MPP7: variants seen among roughly 807,000 people sequenced by gnomAD.
MPP7 encodes MAGUK p55 subfamily member 7.
In MPP7, 60 loss-of-function variants were observed where a neutral mutation model predicts 76.5. That is an observed-to-expected ratio of 0.78 (90% CI 0.64 to 0.97). MPP7 has a LOEUF of 0.97. Ranked by LOEUF, MPP7 falls within the 50% of genes least tolerant of loss-of-function variation. MPP7 has a pLI of 0.00. For synonymous variants in MPP7, 237 were observed against 244.5 expected (o/e 0.97, Z 0.29); for missense variants, 641 against 694.0 (o/e 0.92, Z 0.86).
chr10:28,275,564 G>A (rs904952729), intron 1 of MPP7, among the ~76,000 whole-genome samples: 2 of 151,582 alleles, frequency 1.3e-5, no homozygotes, highest in East Asian at 1.9e-4. Flanking sequence ...GCACCACCAC[G>A]CCTGGCTAAT....
chr10:28,189,763 A>G (rs1056477609), intron 3 of MPP7, among the ~76,000 whole-genome samples: 7 of 152,056 alleles, frequency 4.6e-5, no homozygotes. Context: ...TTAAAATCTT[A>G]GAAACTAACA....
chr10:28,165,367 T>A (rs1166148479), intron 3 of MPP7, among the ~76,000 whole-genome samples: 3 of 151,926 alleles, frequency 2.0e-5, no homozygotes, highest in Non-Finnish European at 2.9e-5. Context: ...TATAAAGAAA[T>A]TTTTAAAAGT....
intron 3 of MPP7, among the ~76,000 whole-genome samples, chr10:28,183,829 T>A (rs936258529): frequency 1.3e-5 from 2 of 152,042 alleles, no homozygotes; most frequent in African/African-American, 4.8e-5. Flanking sequence ...ACTATCATCC[T>A]GAAAAAGCAG....
intron 1 of MPP7, among the ~76,000 whole-genome samples, chr10:28,261,619 T>C (rs2132938814): frequency 1.3e-5 from 2 of 152,222 alleles, no homozygotes; most frequent in South Asian, 4.1e-4. Flanking sequence ...AGTGTGGATA[T>C]CAGACACACC....
intron 11 of MPP7, among the ~76,000 whole-genome samples, chr10:28,104,034 G>A (rs1197832115): frequency 6.6e-6 from 1 of 152,122 alleles, no homozygotes; most frequent in Non-Finnish European, 1.5e-5. Flanking sequence ...GTACTTTGGA[G>A]AAAACATATA....
intron 1 of MPP7, among the ~76,000 whole-genome samples, chr10:28,254,476 A>G (rs902318448): frequency 6.6e-6 from 1 of 152,228 alleles, no homozygotes; most frequent in African/African-American, 2.4e-5. Context: ...CTCTTAAAAC[A>G]GTACTGACTC....
chr10:28,054,675 T>G (rs951615799), intron 16 of MPP7, among the ~76,000 whole-genome samples: 1 of 152,066 alleles, frequency 6.6e-6, no homozygotes, highest in African/African-American at 2.4e-5. Flanking sequence ...ATGATTACCA[T>G]GTTTTTTGTT....
chr10:28,188,290 A>G (rs1417889796), intron 3 of MPP7, among the ~76,000 whole-genome samples: 1 of 152,174 alleles, frequency 6.6e-6, no homozygotes, highest in African/African-American at 2.4e-5. Context: ...TAAATTGTAT[A>G]TTTTGAATTA....
chr10:28,255,202 C>T (rs2132882192), intron 1 of MPP7, among the ~76,000 whole-genome samples: 1 of 152,264 alleles, frequency 6.6e-6, no homozygotes, highest in South Asian at 2.1e-4. Context: ...CAACCTCTGC[C>T]TCCCAGGTTC....
At chr10:28,207,630 G>A (rs1160208675) in intron 2 of MPP7, among the ~76,000 whole-genome samples, 1 of 151,722 alleles carries the variant, frequency 6.6e-6, no homozygotes, top group African/African-American at 2.4e-5. Flanking sequence ...GGCTGCAGTG[G>A]TGTGGTGACT....
rs75238746 is a variant in MPP7, at chr10:28,242,906, T to C, written c.-131-4171A>G. 3.0e-3 allele frequency among the ~76,000 whole-genome samples: 452 copies of C among 152,262 alleles called. 4 individuals carry two copies. Among genetic ancestry groups the C allele is most frequent in the African/African-American group, 0.01 (425 of 41,548 alleles). On this transcript the variant is annotated intron_variant, in intron 1 of 16. Transcript: ENST00000683449. ...TTATAGAATATCCTTAATGAAGCAG[T>C]AAAAATTAATATTAATTGACTCTTG...
chr10:28,230,159 G>A (rs1838833634), intron 2 of MPP7, among the ~76,000 whole-genome samples: 1 of 151,652 alleles, frequency 6.6e-6, no homozygotes. Flanking sequence ...AAGACATAGG[G>A]GAAAAATGAA....
At chr10:28,218,671 G>C (rs1164286972) in intron 2 of MPP7, among the ~76,000 whole-genome samples, 1 of 151,272 alleles carries the variant, frequency 6.6e-6, no homozygotes, top group Non-Finnish European at 1.5e-5. Context: ...CAAACACAAG[G>C]AACCAAAAAA....
In MPP7 at chr10:28,059,670, C is replaced by T. The variant is rs1281057829; in HGVS notation, c.1278G>A (p.Glu426=). ...EYIFISKHLF[E]TDVQNNKFIE... ...CATACTTGTTATTTTGTACATCTGT[C>T]TCAAACAAATGCTTGGAAATGAAAA... Residue 426 remains glutamate, a synonymous_variant, in exon 14 of 17, where the codon GAG becomes GAA. Transcript: ENST00000683449. 6.2e-6 allele frequency: 10 copies of T among 1,612,950 alleles called. No homozygotes were observed. The South Asian group carries it at 1.1e-4, about 18-fold the overall frequency.
intron 5 of MPP7, among the ~76,000 whole-genome samples, chr10:28,144,415 G>C (rs765006494): frequency 1.3e-5 from 2 of 152,112 alleles, no homozygotes; most frequent in Non-Finnish European, 2.9e-5. Context: ...TACTAATAAT[G>C]CTGGAACTGC....
intron 3 of MPP7, among the ~76,000 whole-genome samples, chr10:28,164,567 C>T (rs1320726314): frequency 1.3e-5 from 2 of 152,138 alleles, no homozygotes; most frequent in Non-Finnish European, 2.9e-5. Flanking sequence ...AATGTGTACA[C>T]ATGGACAGTG....
At chr10:28,166,903 T>C (rs557464247) in intron 3 of MPP7, among the ~76,000 whole-genome samples, 1 of 152,264 alleles carries the variant, frequency 6.6e-6, no homozygotes, top group South Asian at 2.1e-4. Flanking sequence ...ATTCTATAGA[T>C]CATTTATTTT....
chr10:28,274,511 A>G (rs549808036), intron 1 of MPP7, among the ~76,000 whole-genome samples: 1 of 152,322 alleles, frequency 6.6e-6, no homozygotes, highest in Admixed American at 6.5e-5. Context: ...AAACAAAATA[A>G]ATAATATAGT....
At chr10:28,332,243 A>ATGTGTGTGTGTGTGTGTGTGTGTG (rs775712498) in intron 1 of MPP7, among the ~76,000 whole-genome samples, 10 of 102,044 alleles carry the variant, frequency 9.8e-5, no homozygotes, top group South Asian at 6.2e-4. Flanking sequence ...TGTCAAATGT[A>ATGTGTGTGTGTGTGTGTGTGTGTG]TGCGTGTGTG....
Sources: gnomAD v4.1 joint callset for allele counts (sites outside exome capture counted in the v4.1 genomes callset) on GRCh38, gnomAD v4.1.1 for gene constraint, MANE v1.5 for transcripts, NCBI Gene and HGNC (gene_info 2026-07-23, HGNC 2026-07-21) for gene names.